AASDH: variants seen among roughly 807,000 people sequenced by gnomAD.
AASDH encodes the protein beta-alanine-activating enzyme.
AASDH carries 81 observed loss-of-function variants against 102.3 expected under a neutral mutation model. The ratio of observed to expected loss-of-function variants is 0.79; its 90% CI spans 0.66 to 0.95. AASDH has a LOEUF of 0.95. Among genes scored for constraint, AASDH ranks in the 40% least tolerant of loss-of-function variants. The pLI, the probability that AASDH is intolerant of heterozygous loss-of-function variation, is 0.00. For synonymous variants in AASDH, 398 were observed against 454.0 expected (o/e 0.88, Z 1.57); for missense variants, 1,203 against 1,266.2 (o/e 0.95, Z 0.76).
chr4:56,368,267 G>T (rs1279285104), intron 5 of AASDH, among the ~76,000 whole-genome samples: 1 of 152,134 alleles, frequency 6.6e-6, no homozygotes, highest in Non-Finnish European at 1.5e-5. Context: ...TTACACTGTT[G>T]GTGGGACTGT....
chr4:56,356,685 GGGGAA>G (rs1264645245), intron 5 of AASDH: 4 of 691,998 alleles, frequency 5.8e-6, no homozygotes, highest in Non-Finnish European at 1.1e-5. Flanking sequence ...GCATTATCAA[GGGGAA>G]GGGAAGACTG....
chr4:56,345,547 C>A (rs1445357419), intron 11 of AASDH, among the ~76,000 whole-genome samples: 1 of 152,144 alleles, frequency 6.6e-6, no homozygotes, highest in Non-Finnish European at 1.5e-5. Flanking sequence ...TTAAGAAGCG[C>A]TTCACTACTG....
intron 3 of AASDH, among the ~76,000 whole-genome samples, chr4:56,380,013 C>T (rs1032195205): frequency 6.6e-6 from 1 of 152,188 alleles, no homozygotes; most frequent in African/African-American, 2.4e-5. Flanking sequence ...ATAGATTAGA[C>T]TCTATCAAGG....
intron 5 of AASDH, among the ~76,000 whole-genome samples, chr4:56,368,183 T>C (rs1291457004): frequency 6.6e-6 from 1 of 152,112 alleles, no homozygotes; most frequent in Non-Finnish European, 1.5e-5. Context: ...CATCTCTCAC[T>C]AGTTAGAATG....
In AASDH at chr4:56,349,375, A is replaced by G. The variant is rs61735105; in HGVS notation, c.2376T>C (p.His792=). 56 of 1,614,010 alleles carry G rather than the reference A, an allele frequency of 3.5e-5. No homozygotes were observed. The highest frequency in any genetic ancestry group is 4.3e-5 in the Non-Finnish European group (51 of 1,179,994). ...STTVYIGSHS[H]RMKAVDFYSG... is the part of the protein sequence containing the mutation. Reference sequence around the variant, plus strand: ...AGTAAAAGTCAACTGCCTTCATTCTATGAGAATGGGAACCAATGTACACAG... The same window carrying G: ...AGTAAAAGTCAACTGCCTTCATTCTGTGAGAATGGGAACCAATGTACACAG... The change falls in exon 11 of 15, where the codon CAT becomes CAC. Residue 792 remains histidine (H), a synonymous_variant. Coordinates refer to ENST00000205214, the MANE Select transcript of AASDH (RefSeq NM_181806.4).
chr4:56,377,038 G>A (rs1452340769), intron 4 of AASDH, among the ~76,000 whole-genome samples: 2 of 148,038 alleles, frequency 1.4e-5, no homozygotes, highest in South Asian at 4.2e-4. Flanking sequence ...CTGCACTCCA[G>A]CCTGGGCGAC....
intron 3 of AASDH, among the ~76,000 whole-genome samples, chr4:56,380,925 T>G (rs1322119701): frequency 6.6e-6 from 1 of 152,210 alleles, no homozygotes; most frequent in African/African-American, 2.4e-5. Flanking sequence ...TAGTGGATGC[T>G]GGGCATACAT....
chr4:56,379,037 C>A (rs910497025), intron 3 of AASDH, among the ~76,000 whole-genome samples: 1 of 152,012 alleles, frequency 6.6e-6, no homozygotes, highest in Admixed American at 6.6e-5. Context: ...GCACCTGCCA[C>A]CACGCCCGGC....
chr4:56,344,416 T>C (rs1748082268), intron 12 of AASDH, among the ~76,000 whole-genome samples: 1 of 152,138 alleles, frequency 6.6e-6, no homozygotes, highest in African/African-American at 2.4e-5. Context: ...TTTATATACA[T>C]TTACTAGCCG....
rs757589543 is a variant in AASDH, at chr4:56,355,372, C to T, written c.913G>A (p.Val305Ile). 8 of 1,613,958 alleles carry T rather than the reference C, an allele frequency of 5.0e-6. No individual in the cohort carries two copies. The highest frequency in any genetic ancestry group is 6.8e-6 in the Non-Finnish European group (8 of 1,179,960). Reference sequence around the variant, plus strand: ...CGAAGAGAAGTAGTGGCTGACAAAACAGTTGACTTGATAAGCTGAGATCCA... The same window carrying T: ...CGAAGAGAAGTAGTGGCTGACAAAATAGTTGACTTGATAAGCTGAGATCCA... ...RFGSQLIKST[V>I]LSATTSLRVL... is the part of the protein sequence containing the mutation. The change falls in exon 6 of 15, where the codon GTT (valine) becomes ATT (isoleucine). Residue 305 changes from valine to isoleucine, a missense_variant. Transcript: ENST00000205214.
chr4:56,380,838 T>C (rs774916305), intron 3 of AASDH, among the ~76,000 whole-genome samples: 1 of 152,150 alleles, frequency 6.6e-6, no homozygotes, highest in Non-Finnish European at 1.5e-5. Flanking sequence ...CAGATGCCAG[T>C]AGCACCCCAC....
chr4:56,385,761 C>T lies in AASDH; in HGVS notation c.-42-1420G>A, dbSNP rs574909132. Among the ~76,000 whole-genome samples, 12 of 151,162 alleles carry T rather than the reference C, an allele frequency of 7.9e-5. No individual in the cohort carries two copies. In the South Asian group the frequency reaches 1.7e-3, roughly 21 times the overall value. On this transcript the variant is annotated intron_variant, in intron 1 of 14. Coordinates refer to ENST00000205214, the MANE Select transcript of AASDH (RefSeq NM_181806.4). ...TACAAGTGCGCGCTACCATGTCCAACTAATTTTTGTTTTTGTTATTTTTTT... is the reference window on the plus strand; with the variant it reads ...TACAAGTGCGCGCTACCATGTCCAATTAATTTTTGTTTTTGTTATTTTTTT...
intron 14 of AASDH, among the ~76,000 whole-genome samples, chr4:56,339,362 G>T (rs1269653644): frequency 6.6e-6 from 1 of 151,916 alleles, no homozygotes; most frequent in Non-Finnish European, 1.5e-5. Context: ...AGCCAGGATG[G>T]TCTCGATCTC....
chr4:56,352,265 C>T (rs961932141), intron 9 of AASDH, among the ~76,000 whole-genome samples: 1 of 152,124 alleles, frequency 6.6e-6, no homozygotes, highest in Non-Finnish European at 1.5e-5. Flanking sequence ...CTGACTGGGT[C>T]TGTGAGGGTG....
intron 9 of AASDH, among the ~76,000 whole-genome samples, chr4:56,353,108 C>T (rs574339960): frequency 3.2e-4 from 48 of 152,108 alleles, no homozygotes; most frequent in Non-Finnish European, 6.3e-4. Flanking sequence ...CTCAAGCATC[C>T]TCCACTTTAG....
rs527322855 is a variant in AASDH at position 56,368,415 on chromosome 4, C to T, written c.861+3036G>A. 9.5e-4 allele frequency among the ~76,000 whole-genome samples: 145 copies of T among 152,186 alleles called. 5 individuals are homozygous for T. In the South Asian group the frequency reaches 0.024, roughly 25 times the overall value. On this transcript the variant is annotated intron_variant, in intron 5 of 14. Coordinates refer to ENST00000205214, the MANE Select transcript of AASDH (RefSeq NM_181806.4). ...AATCATGCTGCTATAAAGACACATG[C>T]GCACATATGTTTATTGCGGCACTAT...
chr4:56,356,332 A>C (rs138005113), intron 5 of AASDH: 54 of 1,543,526 alleles, frequency 3.5e-5, no homozygotes, highest in Non-Finnish European at 4.3e-5. Context: ...AGCGGCAGAG[A>C]GCCATCCCTC....
At chr4:56,374,158 T>C (rs970609019) in intron 4 of AASDH, among the ~76,000 whole-genome samples, 3 of 152,034 alleles carry the variant, frequency 2.0e-5, no homozygotes, top group Non-Finnish European at 2.9e-5. Context: ...GGTGGGCAGA[T>C]ACTTGAGGTC....
At chr4:56,365,868 T>A (rs1750931823) in intron 5 of AASDH, among the ~76,000 whole-genome samples, 1 of 151,964 alleles carries the variant, frequency 6.6e-6, no homozygotes, top group South Asian at 2.1e-4. Context: ...ATAACTAAGA[T>A]CAGAGCAGAA....
Sources: allele counts gnomAD v4.1 joint callset (sites outside exome capture counted in the v4.1 genomes callset), GRCh38; gene constraint gnomAD v4.1.1; transcripts MANE v1.5; gene names NCBI Gene and HGNC (gene_info 2026-07-23, HGNC 2026-07-21).